Variants in ZNF205 observed in about 807,000 individuals in gnomAD.
ZNF205 encodes zinc finger protein 205.
ZNF205 carries 32 observed loss-of-function variants against 53.6 expected under a neutral mutation model. The ratio of observed to expected loss-of-function variants is 0.60; its 90% CI spans 0.45 to 0.80. The LOEUF (loss-of-function observed/expected upper bound fraction) is 0.80, where lower values mean the gene tolerates loss of function less well. Ranked by LOEUF, ZNF205 falls within the 30% of genes least tolerant of loss-of-function variation. The pLI is 0.00. For missense variants in ZNF205, 836 were observed against 782.4 expected, an observed-to-expected ratio of 1.07 and a Z score of -0.82; for synonymous variants, 382 against 334.3, an observed-to-expected ratio of 1.14 and a Z score of -1.56.
chr16:3,118,283 G>A (rs1399806963), intron 5 of ZNF205, among the ~76,000 whole-genome samples: 2 of 151,940 alleles, frequency 1.3e-5, no homozygotes, highest in African/African-American at 2.4e-5. Context: ...ATTAGCTCAG[G>A]CTGCTCACCG....
rs372961768 is a variant in ZNF205, at chr16:3,119,878, C to G, written c.1218C>G (p.Asp406Glu). The stretch of plus-strand genomic sequence containing the variant: ...CCAAGCGCTTCACCCGCCGCTCGGA[C>G]TTGGTCACCCACCAGGGCACCCACA... ...RCAKRFTRRS[D>E]LVTHQGTHTG... The change falls in exon 7 of 7, where the codon GAC becomes GAG. Residue 406 changes from aspartate to glutamate, a missense_variant. Coordinates refer to ENST00000219091, the MANE Select transcript of ZNF205 (RefSeq NM_001042428.2). The G allele has an allele frequency of 3.7e-6, 6 of 1,613,606 alleles. No individual in the cohort carries two copies. Among genetic ancestry groups the G allele is most frequent in the Non-Finnish European group, 4.2e-6 (5 of 1,179,900 alleles).
intron 2 of ZNF205, chr16:3,115,148 C>T: frequency 2.5e-6 from 1 of 392,290 alleles, no homozygotes; most frequent in South Asian, 1.2e-4. Flanking sequence ...CCTTGGGCAC[C>T]ACGCCCACCG....
chr16:3,112,765 G>A, intron 1 of ZNF205, 83 bp downstream of exon 1: 1 of 229,352 alleles, frequency 4.4e-6, no homozygotes, highest in Non-Finnish European at 8.9e-6. Flanking sequence ...GGGGTCAAAG[G>A]TGGAAGGCTT....
rs1957403176 is a variant in ZNF205 at position 3,120,011 on chromosome 16, C to T, written c.1351C>T (p.Pro451Ser). 3 of 1,613,486 alleles carry T rather than the reference C, an allele frequency of 1.9e-6. No individual in the cohort carries two copies. The highest frequency in any genetic ancestry group is 2.5e-6 in the Non-Finnish European group (3 of 1,179,852). ...CACTGGGGTCAAGCCCTATCCGTGC[C>T]CCGAGTGCGGCAAGTGCTTCAGCCA... ...THTGVKPYPC[P>S]ECGKCFSQRS... The change falls in exon 7 of 7, where the codon CCC becomes TCC. Residue 451 changes from proline (P) to serine (S), a missense_variant. By Grantham distance (74) the Pro-to-Ser change is moderately conservative. Coordinates refer to ENST00000219091, the MANE Select transcript of ZNF205 (RefSeq NM_001042428.2).
Position 3,115,883 on chromosome 16 carries a change from G to T in ZNF205, c.326G>T (p.Arg109Leu), listed in dbSNP as rs571894385. Residue 109 changes from arginine to leucine, a missense_variant, in exon 4 of 7, where the codon CGG becomes CTG. Coordinates refer to ENST00000219091, the MANE Select transcript of ZNF205 (RefSeq NM_001042428.2). ...TCCCGAGAGGGGAGGACCAGAGACC[G>T]GCAGATGGCTGCAGCGCTCCTCACT... ...VLSREGRTRDRQMAAALLTAW... is the reference protein window; with the variant it reads ...VLSREGRTRDLQMAAALLTAW... 1.2e-6 allele frequency: 2 copies of T among 1,613,978 alleles called. No individual in the cohort carries two copies. Among genetic ancestry groups the T allele is most frequent in the African/African-American group, 2.7e-5 (2 of 75,058 alleles).
chr16:3,115,274 C>T (rs1054496061), intron 2 of ZNF205, 81 bp from the exon 3 acceptor site: 19 of 1,172,270 alleles, frequency 1.6e-5, no homozygotes, highest in African/African-American at 7.9e-5. Context: ...TGTTGGTTTC[C>T]GACGCTGCCG....
chr16:3,115,675 A>T, intron 3 of ZNF205, 107 bp downstream of exon 3: 1 of 1,406,074 alleles, frequency 7.1e-7, no homozygotes, highest in Non-Finnish European at 9.5e-7. Context: ...CCAGCAGGGG[A>T]CGCTATCCCC....
chr16:3,119,525 G>T lies in ZNF205; in HGVS notation c.865G>T (p.Ala289Ser). ...PEKPNEEEKG[A>S]PESGEEGLAP... The stretch of plus-strand genomic sequence containing the variant: ...GAAGCCCAACGAGGAGGAGAAGGGC[G>T]CCCCGGAGAGTGGCGAGGAGGGCCT... The change falls in exon 7 of 7, where the codon GCC becomes TCC. Residue 289 changes from alanine (A) to serine (S), a missense_variant. Coordinates refer to ENST00000219091, the MANE Select transcript of ZNF205 (RefSeq NM_001042428.2). 1 of 1,603,268 alleles carries T rather than the reference G, an allele frequency of 6.2e-7. No homozygotes were observed. The highest frequency in any genetic ancestry group is 8.5e-7 in the Non-Finnish European group (1 of 1,175,546).
chr16:3,118,878 G>A, intron 5 of ZNF205, 27 bp from the exon 6 acceptor site: 1 of 1,610,200 alleles, frequency 6.2e-7, no homozygotes, highest in South Asian at 1.1e-5. Context: ...GAAGGCCTGT[G>A]ACAGCACAGC....
At chr16:3,114,230 T>C (rs1020177131) in intron 2 of ZNF205, among the ~76,000 whole-genome samples, 3 of 152,202 alleles carry the variant, frequency 2.0e-5, no homozygotes, top group Admixed American at 2.0e-4. Flanking sequence ...CATTCTCTGC[T>C]GGCACTGGCT....
In ZNF205 at chr16:3,115,936, C is replaced by G; in HGVS notation, c.363+16C>G. The G allele has an allele frequency of 6.2e-7, 1 of 1,608,986 alleles. No homozygotes were observed. Among genetic ancestry groups the G allele is most frequent in the Non-Finnish European group, 8.5e-7 (1 of 1,177,558 alleles). On this transcript the variant is annotated intron_variant, in intron 4 of 6. Coordinates refer to ENST00000219091, the MANE Select transcript of ZNF205 (RefSeq NM_001042428.2). ...CTGGTCCCAGGTGAGTGGCCCTTCC[C>G]CGGCCCCTGCATGGTACTCAGCCCT...
intron 2 of ZNF205, among the ~76,000 whole-genome samples, chr16:3,114,102 A>G (rs185360912): frequency 6.6e-6 from 1 of 152,272 alleles, no homozygotes; most frequent in Non-Finnish European, 1.5e-5. Flanking sequence ...ATGAGACGCC[A>G]TCATCTATGG....
intron 6 of ZNF205, 22 bp downstream of exon 6, chr16:3,119,037 T>G (rs112978648): frequency 1.9e-6 from 3 of 1,608,906 alleles, no homozygotes; most frequent in Non-Finnish European, 2.5e-6. Context: ...GCGCGCGCCT[T>G]TGTCTGCGGG....
rs1957378645 is a variant in ZNF205, at chr16:3,118,822, G to A, written c.485-83G>A. 2.1e-6 allele frequency: 3 copies of A among 1,407,950 alleles called. No individual in the cohort carries two copies. In the East Asian group the frequency reaches 7.1e-5, roughly 33 times the overall value. The allele number at this position is 1,407,950 out of a possible 1,614,324, so 87.2% of individuals were successfully genotyped here. A position where few individuals can be genotyped will look rare whatever the true frequency, so the allele number is the denominator to read the frequency against. ...TTTCCAGAGCCTCACCCCCTACTTG[G>A]GCCCATCAGTTTTGGGGAGATGCTG... is the stretch of plus-strand genomic sequence containing the variant. On this transcript the variant is annotated intron_variant, in intron 5 of 6. Transcript: ENST00000219091.
chr16:3,116,311 C>T (rs1596297988), intron 4 of ZNF205, 116 bp from the exon 5 acceptor site: 1 of 1,470,074 alleles, frequency 6.8e-7, no homozygotes, highest in African/African-American at 1.4e-5. Flanking sequence ...AAGTGGCAGG[C>T]CTCACTCGAC....
rs758855299 is a variant in ZNF205, at chr16:3,119,474, G to A, written c.814G>A (p.Glu272Lys). ...DAAPPDPSPT[E>K]PQEYRVPEKP... The stretch of plus-strand genomic sequence containing the variant: ...AGCTCCGCCAGACCCCAGTCCCACG[G>A]AGCCCCAGGAGTACCGCGTCCCGGA... Residue 272 changes from glutamate to lysine, a missense_variant, in exon 7 of 7, where the codon GAG becomes AAG. By Grantham distance (56) the Glu-to-Lys change is moderately conservative. Transcript: ENST00000219091. 1.3e-5 allele frequency: 20 copies of A among 1,589,584 alleles called. No individual in the cohort carries two copies. Among genetic ancestry groups the A allele is most frequent in the South Asian group, 4.5e-5 (4 of 88,972 alleles).
chr16:3,120,136 C>A lies in ZNF205; in HGVS notation c.1476C>A (p.Thr492=). ...GCTTCAGCCACAGCTCGCACCTCAC[C>A]GCGCACCAGCGCACCCACCGTGGCG... ...GKSFSHSSHL[T]AHQRTHRGVR... is the part of the protein sequence containing the mutation. Residue 492 remains threonine, a synonymous_variant, in exon 7 of 7, where the codon ACC becomes ACA. Coordinates refer to ENST00000219091, the MANE Select transcript of ZNF205 (RefSeq NM_001042428.2). 1 of 1,613,198 alleles carries A rather than the reference C, an allele frequency of 6.2e-7. No individual in the cohort carries two copies. Among genetic ancestry groups the A allele is most frequent in the East Asian group, 2.2e-5 (1 of 44,844 alleles).
rs1315568920 is a variant in ZNF205, at chr16:3,119,769, G to A, written c.1109G>A (p.Arg370Gln). The A allele has an allele frequency of 2.0e-5, 32 of 1,613,574 alleles. No homozygotes were observed. Among genetic ancestry groups the A allele is most frequent in the Non-Finnish European group, 2.6e-5 (31 of 1,179,886 alleles). ...GEKPYTCPACRKSFSHHSTLI... is the reference protein window; with the variant it reads ...GEKPYTCPACQKSFSHHSTLI... ...AAGCCCTACACCTGCCCCGCCTGCC[G>A]GAAGAGCTTCAGCCACCACTCCACG... The change falls in exon 7 of 7, where the codon CGG becomes CAG. Residue 370 changes from arginine (R) to glutamine (Q), a missense_variant. Transcript: ENST00000219091.
Position 3,116,503 on chromosome 16 carries a change from ACTT to A in ZNF205, c.443_445del (p.Phe148del). 1 of 1,614,058 alleles carries A rather than the reference ACTT, an allele frequency of 6.2e-7. No individual in the cohort carries two copies. Among genetic ancestry groups the A allele is most frequent in the Non-Finnish European group, 8.5e-7 (1 of 1,180,016 alleles). ...GGACGGCTGGACCACACGCAGCAGA[ACTT>A]CTACAGGGATGTCCTGCAGAAGAAA... On this transcript the variant is annotated inframe_deletion, in exon 5 of 7. Coordinates refer to ENST00000219091, the MANE Select transcript of ZNF205 (RefSeq NM_001042428.2).
Sources: allele counts gnomAD v4.1 joint callset (sites outside exome capture counted in the v4.1 genomes callset), GRCh38; gene constraint gnomAD v4.1.1; transcripts MANE v1.5; gene names NCBI Gene and HGNC (gene_info 2026-07-23, HGNC 2026-07-21).